Variants in SYT13 observed in about 807,000 individuals in gnomAD.
SYT13 encodes the protein synaptotagmin-13.
SYT13 carries 21 observed loss-of-function variants against 38.6 expected under a neutral mutation model. That is an observed-to-expected ratio of 0.54 (90% CI 0.39 to 0.78). The LOEUF (loss-of-function observed/expected upper bound fraction) is 0.78. SYT13 is among the 30% of genes least tolerant of loss of function. The pLI, the probability that SYT13 is intolerant of heterozygous loss-of-function variation, is 0.00. For missense variants in SYT13, 495 were observed against 548.7 expected (o/e 0.90, Z 0.98); for synonymous variants, 241 against 237.6 (o/e 1.01, Z -0.13).
chr11:45,242,493 T>G lies in SYT13; in HGVS notation c.*1559A>C, dbSNP rs1032944552. On this transcript the variant is annotated 3_prime_UTR_variant, in exon 6 of 6. Transcript: ENST00000020926. Reference sequence around the variant, plus strand: ...CTGAGAGAGGAGAATCGCTTGAACTTGGGAGGCGGAGGTTGCAGTGAGCCG... The same window carrying G: ...CTGAGAGAGGAGAATCGCTTGAACTGGGGAGGCGGAGGTTGCAGTGAGCCG... The G allele has an allele frequency of 1.3e-5, 2 of 152,076 alleles. No individual in the cohort carries two copies. The highest frequency in any genetic ancestry group is 4.8e-5 in the African/African-American group (2 of 41,352). 9.4% of individuals were successfully genotyped at this position (152,076 alleles called of 1,614,324 possible).
chr11:45,246,044 C>T (rs868052527), intron 5 of SYT13, among the ~76,000 whole-genome samples: 4 of 152,162 alleles, frequency 2.6e-5, no homozygotes, highest in Admixed American at 6.5e-5. Context: ...CTTCACTCCA[C>T]GGCTATAGTC....
In SYT13 at chr11:45,247,872, A is replaced by G. The variant is rs114753268; in HGVS notation, c.847-1360T>C. ...AATATATAACATCGGGCAGCATTAA[A>G]TGCTATGAAGAAATATAGATATCAG... On this transcript the variant is annotated intron_variant, in intron 4 of 5. Transcript: ENST00000020926. Among the ~76,000 whole-genome samples, 666 of 152,376 alleles carry G rather than the reference A, an allele frequency of 4.4e-3. 12 individuals carry two copies. Among genetic ancestry groups the G allele is most frequent in the African/African-American group, 0.016 (651 of 41,586 alleles).
At position 45,244,079 on chromosome 11, in the gene SYT13, A is replaced by C. The variant is rs1319512863; in HGVS notation, c.1254T>G (p.Ile418Met). The change falls in exon 6 of 6, where the codon ATT becomes ATG. Residue 418 changes from isoleucine (I) to methionine (M), a missense_variant. Transcript: ENST00000020926. The stretch of plus-strand genomic sequence containing the variant: ...ACAGGTGCAGCTGGTGCCACATGGC[A>C]ATCTGCCGGCGAGGGTTTTTGAGCA... Reference protein sequence around the residue: ...EEMLKNPRRQIAMWHQLHL With the variant: ...EEMLKNPRRQMAMWHQLHL The C allele has an allele frequency of 6.2e-7, 1 of 1,605,862 alleles. No individual in the cohort carries two copies. The highest frequency in any genetic ancestry group is 1.3e-5 in the African/African-American group (1 of 74,984).
chr11:45,246,382 C>T lies in SYT13; in HGVS notation c.976+1G>A, dbSNP rs771196467. On this transcript the variant is annotated splice_donor_variant, in intron 5 of 5. Transcript: ENST00000020926. LOFTEE classifies it high-confidence loss of function. ...TGGCCATCCTCTCACATCTCACTCA[C>T]CCTTCCCCAGGAGCTCCTTGGACTG... is the stretch of plus-strand genomic sequence containing the variant. 8 of 1,613,736 alleles carry T rather than the reference C, an allele frequency of 5.0e-6. No individual in the cohort carries two copies. Among genetic ancestry groups the T allele is most frequent in the Non-Finnish European group, 6.8e-6 (8 of 1,179,836 alleles).
At chr11:45,278,268 TACA>T (rs1855032963) in intron 1 of SYT13, among the ~76,000 whole-genome samples, 1 of 152,164 alleles carries the variant, frequency 6.6e-6, no homozygotes, top group African/African-American at 2.4e-5. Flanking sequence ...GAGTACTGAA[TACA>T]GTAAGAAGAA....
At chr11:45,266,305 G>T (rs1189700577) in intron 1 of SYT13, among the ~76,000 whole-genome samples, 1 of 152,102 alleles carries the variant, frequency 6.6e-6, no homozygotes, top group African/African-American at 2.4e-5. Context: ...TAGGGAAGAG[G>T]AAGCAGTCAG....
In SYT13 at chr11:45,244,348, C is replaced by T. The variant is rs773614571; in HGVS notation, c.985G>A (p.Val329Ile). The T allele has an allele frequency of 3.1e-6, 5 of 1,612,680 alleles. No individual in the cohort carries two copies. The highest frequency in any genetic ancestry group is 1.3e-5 in the African/African-American group (1 of 75,004). The change falls in exon 6 of 6, where the codon GTC (valine) becomes ATC (isoleucine). Residue 329 changes from valine (V) to isoleucine (I), a missense_variant. Physicochemically the swap from Val to Ile is conservative, Grantham distance 29. Coordinates refer to ENST00000020926, the MANE Select transcript of SYT13 (RefSeq NM_020826.3). The stretch of plus-strand genomic sequence containing the variant: ...GCCTGGTGCTTCAAGGTCACCTTGA[C>T]AGAGACATCTGGGGAGGGGCAGAGG... ...SKELLGKDVS[V>I]KVTLKHQARK...
chr11:45,245,938 G>A (rs1372947190), intron 5 of SYT13, among the ~76,000 whole-genome samples: 1 of 152,182 alleles, frequency 6.6e-6, no homozygotes, highest in African/African-American at 2.4e-5. Flanking sequence ...CAGACAGGAG[G>A]GGAATAACCT....
intron 1 of SYT13, chr11:45,269,529 T>C (rs1462174864): frequency 8.2e-7 from 1 of 1,223,990 alleles, no homozygotes; most frequent in Non-Finnish European, 1.1e-6. Context: ...CAACACAAAC[T>C]TTATTGTATT....
At chr11:45,284,716 T>C (rs1321997887) in intron 1 of SYT13, among the ~76,000 whole-genome samples, 2 of 152,086 alleles carry the variant, frequency 1.3e-5, no homozygotes, top group Non-Finnish European at 2.9e-5. Flanking sequence ...CTCAAGTGTG[T>C]TGGGCAGGAA....
chr11:45,272,388 C>T (rs1300182354), intron 1 of SYT13, among the ~76,000 whole-genome samples: 1 of 152,216 alleles, frequency 6.6e-6, no homozygotes, highest in Non-Finnish European at 1.5e-5. Context: ...CTGTGTGTCA[C>T]TGGATGTCTG....
intron 1 of SYT13, among the ~76,000 whole-genome samples, chr11:45,267,853 C>T (rs968299286): frequency 6.6e-6 from 1 of 152,132 alleles, no homozygotes; most frequent in Non-Finnish European, 1.5e-5. Context: ...GTCCAGGCGG[C>T]GCAGTGTTTC....
Position 45,252,990 on chromosome 11 carries a change from G to A in SYT13, c.545-268C>T, listed in dbSNP as rs996037032. Among the ~76,000 whole-genome samples the A allele has an allele frequency of 2.6e-5, 4 of 152,184 alleles. No homozygotes were observed. The highest frequency in any genetic ancestry group is 7.2e-5 in the African/African-American group (3 of 41,438). On this transcript the variant is annotated intron_variant, in intron 3 of 5. Transcript: ENST00000020926. The surrounding 1 kb of genome is among the most constrained non-coding windows in gnomAD (Gnocchi z 4.3). ...CATTTCCTGGAGCCCTCTGAACTCC[G>A]GATTCTGAAATTTTGCCAAGGTGCC...
chr11:45,248,775 G>A (rs1244162482), intron 4 of SYT13, among the ~76,000 whole-genome samples: 1 of 152,226 alleles, frequency 6.6e-6, no homozygotes, highest in Non-Finnish European at 1.5e-5. Context: ...CAGACCAGGT[G>A]AGAGGAGTCA....
intron 1 of SYT13, among the ~76,000 whole-genome samples, chr11:45,281,676 A>G (rs1321561912): frequency 4.2e-5 from 6 of 143,282 alleles, no homozygotes; most frequent in Admixed American, 2.1e-4. Context: ...CAAAAAAAAA[A>G]AAAAAAAATT....
At chr11:45,271,297 GCCAAATA>G (rs1363786843) in intron 1 of SYT13, among the ~76,000 whole-genome samples, 2 of 152,188 alleles carry the variant, frequency 1.3e-5, no homozygotes, top group Non-Finnish European at 2.9e-5. Flanking sequence ...GTCTTAAAAA[GCCAAATA>G]CCTGGACTGT....
chr11:45,285,471 G>C lies in SYT13; in HGVS notation c.183+554C>G, dbSNP rs879487758. 7.9e-5 allele frequency among the ~76,000 whole-genome samples: 12 copies of C among 152,248 alleles called. No homozygotes were observed. The East Asian group carries it at 2.3e-3, about 30-fold the overall frequency. On this transcript the variant is annotated intron_variant, in intron 1 of 5. Coordinates refer to ENST00000020926, the MANE Select transcript of SYT13 (RefSeq NM_020826.3). ...GGATTCAGCTCTCTAGACCCCGCTAGCTAGCTTCCCAGCTCCTGCGGGACC... is the reference window on the plus strand; with the variant it reads ...GGATTCAGCTCTCTAGACCCCGCTACCTAGCTTCCCAGCTCCTGCGGGACC...
At chr11:45,262,727 A>T (rs1445710860) in intron 1 of SYT13, among the ~76,000 whole-genome samples, 1 of 83,134 alleles carries the variant, frequency 1.2e-5, no homozygotes, top group African/African-American at 8.9e-5. Context: ...CCTATCACAC[A>T]CACACACACA....
Position 45,255,733 on chromosome 11 carries a change from G to C in SYT13, c.342C>G (p.Pro114=), listed in dbSNP as rs1486260246. 1.2e-6 allele frequency: 2 copies of C among 1,614,108 alleles called. 1 individual carries two copies. The highest frequency in any genetic ancestry group is 2.2e-5 in the South Asian group (2 of 91,072). ...STEEPTAPAS[P]QPPNDSRLKR... ...TGAGGCGACTGTCATTCGGGGGTTG[G>C]GGGCTGGCAGGTGCAGTGGGCTCCT... The change falls in exon 2 of 6, where the codon CCC becomes CCG. Residue 114 remains proline (P), a synonymous_variant. Coordinates refer to ENST00000020926, the MANE Select transcript of SYT13 (RefSeq NM_020826.3).
Sources: allele counts gnomAD v4.1 joint callset (sites outside exome capture counted in the v4.1 genomes callset), GRCh38; gene constraint gnomAD v4.1.1; non-coding constraint Gnocchi (gnomAD v3.1); transcripts MANE v1.5; gene names NCBI Gene and HGNC (gene_info 2026-07-23, HGNC 2026-07-21).